PIWIL2: variants seen among roughly 807,000 people sequenced by gnomAD.
PIWIL2 encodes the protein piwi like RNA-mediated gene silencing 2.
PIWIL2 carries 81 observed loss-of-function variants against 116.5 expected under a neutral mutation model. The ratio of observed to expected loss-of-function variants is 0.70; its 90% CI spans 0.58 to 0.84. The LOEUF is 0.84. Among genes scored for constraint, PIWIL2 ranks in the 40% least tolerant of loss-of-function variants. The pLI, the probability that PIWIL2 is intolerant of heterozygous loss-of-function variation, is 0.00. For synonymous variants in PIWIL2, 489 were observed against 429.5 expected (o/e 1.14, Z -1.71); for missense variants, 1,272 against 1,212.3 (o/e 1.05, Z -0.73).
rs1191656560 is a variant in PIWIL2, at chr8:22,284,397, A to G, written c.743+125A>G. 2.5e-5 allele frequency: 13 copies of G among 512,812 alleles called. No individual in the cohort carries two copies. In the African/African-American group the frequency reaches 2.6e-4, roughly 10 times the overall value. The allele number at this position is 512,812 out of a possible 1,614,324, so 31.8% of individuals were successfully genotyped here. A position where few individuals can be genotyped will look rare whatever the true frequency, so the allele number is the denominator to read the frequency against. On this transcript the variant is annotated intron_variant, in intron 6 of 22. Coordinates refer to ENST00000356766, the MANE Select transcript of PIWIL2 (RefSeq NM_018068.5). The stretch of plus-strand genomic sequence containing the variant: ...GACGTCTCAATGCAATAATGTGTTT[A>G]CTCAGATCCTTACAGGAAGTTTAAG...
chr8:22,318,503 A>T (rs537482912), intron 20 of PIWIL2, among the ~76,000 whole-genome samples: 2 of 152,118 alleles, frequency 1.3e-5, no homozygotes, highest in African/African-American at 2.4e-5. Flanking sequence ...TTTTTAGTAG[A>T]GATGTGGTTT....
At chr8:22,326,533 C>T (rs1265082856) in intron 20 of PIWIL2, among the ~76,000 whole-genome samples, 1 of 152,166 alleles carries the variant, frequency 6.6e-6, no homozygotes, top group African/African-American at 2.4e-5. Flanking sequence ...CTGGTAACAT[C>T]TAATTTGCTT....
chr8:22,336,760 A>G (rs1215296684), intron 20 of PIWIL2, among the ~76,000 whole-genome samples: 1 of 152,186 alleles, frequency 6.6e-6, no homozygotes, highest in Non-Finnish European at 1.5e-5. Flanking sequence ...ATTAGTAGAT[A>G]TTAGAGCATA....
At chr8:22,281,317 A>G (rs1830494126) in intron 3 of PIWIL2, 60 bp from the exon 4 acceptor site, 8 of 1,567,558 alleles carry the variant, frequency 5.1e-6, no homozygotes, top group South Asian at 2.4e-5. Flanking sequence ...AAAAAAAAAA[A>G]CTATACTTTA....
At chr8:22,312,614 C>T (rs758881104) in intron 16 of PIWIL2, among the ~76,000 whole-genome samples, 4 of 152,120 alleles carry the variant, frequency 2.6e-5, no homozygotes, top group African/African-American at 7.2e-5. Context: ...CACAACAGCA[C>T]ACTTGTGTTC....
intron 10 of PIWIL2, among the ~76,000 whole-genome samples, chr8:22,297,340 A>C (rs931069716): frequency 1.3e-5 from 2 of 152,076 alleles, no homozygotes; most frequent in Non-Finnish European, 2.9e-5. Context: ...CTGACCTCGA[A>C]ATCCTGGCCT....
At chr8:22,305,206 T>G (rs1354292285) in intron 12 of PIWIL2, among the ~76,000 whole-genome samples, 1 of 151,764 alleles carries the variant, frequency 6.6e-6, no homozygotes, top group Non-Finnish European at 1.5e-5. Flanking sequence ...TATTTATTTA[T>G]TTATTTGACG....
intron 20 of PIWIL2, 64 bp from the exon 21 acceptor site, chr8:22,352,895 C>A: frequency 3.3e-6 from 5 of 1,531,266 alleles, no homozygotes; most frequent in South Asian, 2.5e-5. Context: ...GAGTGGGCCT[C>A]TCACTGACTG....
chr8:22,290,103 C>T (rs772757309), intron 9 of PIWIL2, 130 bp from the exon 10 acceptor site: 34 of 707,782 alleles, frequency 4.8e-5, no homozygotes, highest in Non-Finnish European at 7.9e-5. Flanking sequence ...TGTCAATTAA[C>T]TTAGTTTCTT....
chr8:22,296,774 T>A (rs1830916967), intron 10 of PIWIL2, among the ~76,000 whole-genome samples: 4 of 152,212 alleles, frequency 2.6e-5, no homozygotes, highest in Admixed American at 2.6e-4. Context: ...CTTTATTCCT[T>A]CCTGCATCCC....
At chr8:22,326,536 A>C (rs1831729559) in intron 20 of PIWIL2, among the ~76,000 whole-genome samples, 1 of 151,866 alleles carries the variant, frequency 6.6e-6, no homozygotes, top group South Asian at 2.1e-4. Flanking sequence ...GTAACATCTA[A>C]TTTGCTTTTT....
chr8:22,306,892 G>A (rs1410353865), intron 13 of PIWIL2, among the ~76,000 whole-genome samples: 1 of 152,032 alleles, frequency 6.6e-6, no homozygotes, highest in South Asian at 2.1e-4. Context: ...TACCTCAGAG[G>A]GAATAACAGC....
chr8:22,357,139 A>G lies in PIWIL2; in HGVS notation c.*1634A>G, dbSNP rs763804298. 7 of 152,230 alleles carry G rather than the reference A, an allele frequency of 4.6e-5. No individual in the cohort carries two copies. The highest frequency in any genetic ancestry group is 1.0e-4 in the Non-Finnish European group (7 of 68,044). 9.4% of individuals were successfully genotyped at this position (152,230 alleles called of 1,614,324 possible). On this transcript the variant is annotated 3_prime_UTR_variant, in exon 23 of 23. Coordinates refer to ENST00000356766, the MANE Select transcript of PIWIL2 (RefSeq NM_018068.5). Reference sequence around the variant, plus strand: ...TTAAAATGATATAGAGAAGATTAGCATATAGAAAAAAAGAAAAAAGATTTC... The same window carrying G: ...TTAAAATGATATAGAGAAGATTAGCGTATAGAAAAAAAGAAAAAAGATTTC...
intron 7 of PIWIL2, 32 bp from the exon 8 acceptor site, chr8:22,288,509 AT>A: frequency 6.3e-7 from 1 of 1,589,558 alleles, no homozygotes. Flanking sequence ...TAGTTTTGTC[AT>A]TTTGTTTCAC....
At chr8:22,340,285 G>A (rs1434127414) in intron 20 of PIWIL2, among the ~76,000 whole-genome samples, 4 of 152,070 alleles carry the variant, frequency 2.6e-5, no homozygotes, top group South Asian at 4.1e-4. Flanking sequence ...TTGAACTCCC[G>A]ACCTCGGGTG....
At chr8:22,319,430 CCTAT>C (rs1831544107) in intron 20 of PIWIL2, among the ~76,000 whole-genome samples, 1 of 152,132 alleles carries the variant, frequency 6.6e-6, no homozygotes. Context: ...TCTTCTAATA[CCTAT>C]CTGTGAAGAC....
intron 18 of PIWIL2, among the ~76,000 whole-genome samples, chr8:22,315,752 G>A (rs1440467117): frequency 6.6e-6 from 1 of 152,162 alleles, no homozygotes; most frequent in African/African-American, 2.4e-5. Context: ...TTTTCATACT[G>A]TCCATGACTG....
At chr8:22,352,353 C>T (rs1004923265) in intron 20 of PIWIL2, among the ~76,000 whole-genome samples, 2 of 152,192 alleles carry the variant, frequency 1.3e-5, no homozygotes, top group Non-Finnish European at 1.5e-5. Context: ...TTAATTTGGA[C>T]CCATAGACAA....
At chr8:22,276,951 G>C (rs960098649) in intron 1 of PIWIL2, among the ~76,000 whole-genome samples, 3 of 151,986 alleles carry the variant, frequency 2.0e-5, no homozygotes, top group African/African-American at 7.2e-5. Flanking sequence ...TCAGGAATCA[G>C]GGGCAAGTCA....
Sources: allele counts gnomAD v4.1 joint callset (sites outside exome capture counted in the v4.1 genomes callset), GRCh38; gene constraint gnomAD v4.1.1; transcripts MANE v1.5; gene names NCBI Gene and HGNC (gene_info 2026-07-23, HGNC 2026-07-21).